Variants in PTPRD observed in about 807,000 individuals in gnomAD.
The protein encoded by PTPRD is receptor-type tyrosine-protein phosphatase delta.
A neutral mutation model predicts 214.5 loss-of-function variants in PTPRD; 34 were observed. That is an observed-to-expected ratio of 0.16 (90% CI 0.12 to 0.21). The LOEUF (loss-of-function observed/expected upper bound fraction) is 0.21, where lower values mean the gene tolerates loss of function less well. PTPRD is among the 10% of genes least tolerant of loss of function. The pLI is 1.00. For synonymous variants in PTPRD, 1,128 were observed against 845.7 expected (o/e 1.33, Z -5.79); for missense variants, 2,545 against 2,398.7 (o/e 1.06, Z -1.27).
intron 7 of PTPRD, among the ~76,000 whole-genome samples, chr9:9,600,461 T>C (rs1272624289): frequency 6.6e-6 from 1 of 152,022 alleles, no homozygotes; most frequent in Admixed American, 6.6e-5. Flanking sequence ...AGGTACATCA[T>C]CGAGAATCAA....
chr9:8,850,901 G>A (rs1056892548), intron 11 of PTPRD, among the ~76,000 whole-genome samples: 25 of 152,156 alleles, frequency 1.6e-4, no homozygotes, highest in African/African-American at 4.1e-4. Context: ...GAAGGAAGAC[G>A]GAGAAAATTT....
intron 43 of PTPRD, among the ~76,000 whole-genome samples, chr9:8,332,980 C>G (rs1304561651): frequency 6.6e-6 from 1 of 152,118 alleles, no homozygotes; most frequent in African/African-American, 2.4e-5. Flanking sequence ...GGACTCAATC[C>G]TTTATCATTC....
At chr9:8,750,405 A>G (rs1255800406) in intron 11 of PTPRD, among the ~76,000 whole-genome samples, 1 of 151,924 alleles carries the variant, frequency 6.6e-6, no homozygotes, top group Non-Finnish European at 1.5e-5. Context: ...TAATCCACCC[A>G]CCTTGGCCAC....
chr9:9,758,148 C>CAAAGAAA (rs2098606466), intron 6 of PTPRD, among the ~76,000 whole-genome samples: 2 of 114,940 alleles, frequency 1.7e-5, no homozygotes, highest in African/African-American at 6.7e-5. Flanking sequence ...GTAAAAATGG[C>CAAAGAAA]AAAAAAAAAA....
At chr9:9,609,772 C>T (rs1026856368) in intron 7 of PTPRD, among the ~76,000 whole-genome samples, 1 of 152,116 alleles carries the variant, frequency 6.6e-6, no homozygotes, top group Non-Finnish European at 1.5e-5. Flanking sequence ...ACAATGTGAA[C>T]TTTCATAAGC....
rs778581708 is a variant in PTPRD, at chr9:8,518,185, C to T, written c.1206G>A (p.Gly402=). Reference sequence around the variant, plus strand: ...GTGTTAGCACAGGTTCGCTGGGAGGCCCCCGCCCAATGTTATTGACAGCAA... The same window carrying T: ...GTGTTAGCACAGGTTCGCTGGGAGGTCCCCGCCCAATGTTATTGACAGCAA... ...RVVAVNNIGR[G]PPSEPVLTQT... The change falls in exon 21 of 46, where the codon GGG becomes GGA. Residue 402 remains glycine (G), a synonymous_variant. Transcript: ENST00000381196. 3.7e-6 allele frequency: 6 copies of T among 1,614,082 alleles called. No individual in the cohort carries two copies. Among genetic ancestry groups the T allele is most frequent in the African/African-American group, 1.3e-5 (1 of 75,022 alleles).
rs147510818 is a variant in PTPRD at position 9,379,503 on chromosome 9, T to C, written c.-203+17946A>G. Among the ~76,000 whole-genome samples the C allele has an allele frequency of 4.5e-3, 683 of 152,058 alleles. 2 individuals are homozygous for C. The highest frequency in any genetic ancestry group is 0.015 in the African/African-American group (606 of 41,548). On this transcript the variant is annotated intron_variant, in intron 9 of 45. Coordinates refer to ENST00000381196, the MANE Select transcript of PTPRD (RefSeq NM_002839.4). ...CCAACTTTGTTCTTCTCCTTCAACA[T>C]TCTGTTTGCCATTCTGGATATTATT...
chr9:9,866,000 T>G (rs2063854282), intron 5 of PTPRD, among the ~76,000 whole-genome samples: 1 of 152,202 alleles, frequency 6.6e-6, no homozygotes, highest in South Asian at 2.1e-4. Context: ...CCTTCTAATC[T>G]TCTTTGTTCC....
At chr9:8,890,125 A>G (rs1303086930) in intron 11 of PTPRD, among the ~76,000 whole-genome samples, 2 of 152,224 alleles carry the variant, frequency 1.3e-5, no homozygotes, top group Non-Finnish European at 2.9e-5. Flanking sequence ...TGAATTAGAT[A>G]TATGATCAAA....
chr9:8,647,821 C>A (rs1052940806), intron 12 of PTPRD, among the ~76,000 whole-genome samples: 2 of 152,196 alleles, frequency 1.3e-5, no homozygotes, highest in African/African-American at 4.8e-5. Flanking sequence ...TTTTTATCCA[C>A]TGTCCAAAAT....
At chr9:9,343,517 G>A (rs545104896) in intron 9 of PTPRD, among the ~76,000 whole-genome samples, 2 of 152,082 alleles carry the variant, frequency 1.3e-5, no homozygotes, top group Non-Finnish European at 2.9e-5. Flanking sequence ...CTACATAAAC[G>A]CCTTCTTTTG....
chr9:9,791,699 G>C (rs542300613), intron 5 of PTPRD, among the ~76,000 whole-genome samples: 58 of 152,040 alleles, frequency 3.8e-4, no homozygotes, highest in Non-Finnish European at 6.8e-4. Flanking sequence ...CTATCATTTA[G>C]ATCTTACCAA....
intron 11 of PTPRD, among the ~76,000 whole-genome samples, chr9:8,769,200 A>G (rs2095003984): frequency 6.6e-6 from 1 of 152,240 alleles, no homozygotes; most frequent in Admixed American, 6.5e-5. Context: ...TTTACTAGGC[A>G]TTGTATCAGG....
At chr9:10,221,691 T>C (rs1309837424) in intron 3 of PTPRD, among the ~76,000 whole-genome samples, 1 of 151,988 alleles carries the variant, frequency 6.6e-6, no homozygotes, top group African/African-American at 2.4e-5. Flanking sequence ...AAGCATTAAG[T>C]ACATCCACAA....
rs1335854449 is a variant in PTPRD, at chr9:10,004,935, G to A, written c.-472+28783C>T. ...TTTTCCAAGTTGGTGTTTTCTAGCA[G>A]AGGGTCTTAAAATTAACTAACTCAA... On this transcript the variant is annotated intron_variant, in intron 4 of 45. Transcript: ENST00000381196. Among the ~76,000 whole-genome samples the A allele has an allele frequency of 2.0e-5, 3 of 152,114 alleles. No homozygotes were observed. In the East Asian group the frequency reaches 5.8e-4, roughly 29 times the overall value.
chr9:8,463,300 G>T (rs2096464768), intron 32 of PTPRD, among the ~76,000 whole-genome samples: 1 of 100,874 alleles, frequency 9.9e-6, no homozygotes. Context: ...AAGCTTCTCA[G>T]AGGCAGCCAA....
intron 2 of PTPRD, among the ~76,000 whole-genome samples, chr9:10,364,001 T>TTTTTTG (rs2097455630): frequency 1.6e-5 from 2 of 123,310 alleles, no homozygotes; most frequent in Admixed American, 8.3e-5. Context: ...GTTTTTTTTT[T>TTTTTTG]TTTTTTTTTT....
At chr9:10,570,924 G>C (rs1256691645) in intron 2 of PTPRD, among the ~76,000 whole-genome samples, 1 of 150,886 alleles carries the variant, frequency 6.6e-6, no homozygotes, top group Non-Finnish European at 1.5e-5. Context: ...TCCATATATG[G>C]CTCCTTTACT....
chr9:8,476,960 G>A (rs546109767), intron 30 of PTPRD, among the ~76,000 whole-genome samples: 10 of 151,984 alleles, frequency 6.6e-5, no homozygotes, highest in Admixed American at 1.3e-4. Flanking sequence ...TATTGCAAAC[G>A]TTCTTTTCTT....
Sources: allele counts gnomAD v4.1 joint callset (sites outside exome capture counted in the v4.1 genomes callset), GRCh38; gene constraint gnomAD v4.1.1; transcripts MANE v1.5; gene names NCBI Gene and HGNC (gene_info 2026-07-23, HGNC 2026-07-21).